CEP128: variants seen among roughly 807,000 people sequenced by gnomAD.
CEP128 encodes the protein centrosomal protein 128kDa.
CEP128 carries 132 observed loss-of-function variants against 156.7 expected under a neutral mutation model. The ratio of observed to expected loss-of-function variants is 0.84; its 90% CI spans 0.73 to 0.97. The LOEUF is 0.97. Among genes scored for constraint, CEP128 ranks in the 50% least tolerant of loss-of-function variants. The probability of loss-of-function intolerance (pLI) is 0.00; values close to 1 mark genes in which losing one functional copy is unlikely to be tolerated. For missense variants in CEP128, 1,252 were observed against 1,281.9 expected (o/e 0.98, Z 0.36); for synonymous variants, 469 against 448.9 (o/e 1.04, Z -0.57).
chr14:80,950,287 C>T (rs1454827135), intron 2 of CEP128, among the ~76,000 whole-genome samples: 1 of 152,202 alleles, frequency 6.6e-6, no homozygotes, highest in African/African-American at 2.4e-5. Context: ...GACTTCTAGC[C>T]TCCAGAACTG....
chr14:80,588,278 A>G (rs996770971), intron 19 of CEP128, among the ~76,000 whole-genome samples: 13 of 152,142 alleles, frequency 8.5e-5, no homozygotes, highest in African/African-American at 3.1e-4. Flanking sequence ...GTACAGCTCA[A>G]TGTCAAACAC....
At chr14:80,908,657 T>C (rs1884028702) in intron 4 of CEP128, among the ~76,000 whole-genome samples, 1 of 152,252 alleles carries the variant, frequency 6.6e-6, no homozygotes, top group African/African-American at 2.4e-5. Context: ...TTCCCTTGGT[T>C]TTCAGACACC....
At chr14:80,754,235 T>A (rs545679892) in intron 18 of CEP128, among the ~76,000 whole-genome samples, 1 of 152,308 alleles carries the variant, frequency 6.6e-6, no homozygotes, top group Admixed American at 6.5e-5. Flanking sequence ...CTAAATCATT[T>A]GAGTGTTCTT....
At position 80,792,027 on chromosome 14, in the gene CEP128, G is replaced by A. The variant is rs921844263; in HGVS notation, c.1560+733C>T. Among the ~76,000 whole-genome samples the A allele has an allele frequency of 8.5e-5, 13 of 152,198 alleles. No individual in the cohort carries two copies. In the South Asian group the frequency reaches 1.5e-3, roughly 17 times the overall value. On this transcript the variant is annotated intron_variant, in intron 14 of 24. Transcript: ENST00000555265. ...AAACATGGATAAAAAAATCAATCAC[G>A]ACTTTCCTGCTTATTATCTTATAAA... is the stretch of plus-strand genomic sequence containing the variant.
At chr14:80,667,471 T>C (rs920548662) in intron 19 of CEP128, among the ~76,000 whole-genome samples, 1 of 152,008 alleles carries the variant, frequency 6.6e-6, no homozygotes, top group African/African-American at 2.4e-5. Flanking sequence ...CCAATAGCAA[T>C]AACTAAACAA....
chr14:80,738,069 A>T (rs1447112547), intron 19 of CEP128, among the ~76,000 whole-genome samples: 2 of 152,226 alleles, frequency 1.3e-5, no homozygotes, highest in Non-Finnish European at 2.9e-5. Context: ...CACTTCTATG[A>T]ATATCATGAT....
At chr14:80,872,477 T>C (rs1340183358) in intron 8 of CEP128, among the ~76,000 whole-genome samples, 2 of 152,196 alleles carry the variant, frequency 1.3e-5, no homozygotes, top group Non-Finnish European at 2.9e-5. Context: ...TTTCAAGATA[T>C]ATTTTAGTCA....
chr14:80,602,544 G>A (rs1892621875), intron 19 of CEP128, among the ~76,000 whole-genome samples: 1 of 152,164 alleles, frequency 6.6e-6, no homozygotes, highest in Non-Finnish European at 1.5e-5. Context: ...GGCCAAGGTA[G>A]GTGGATCACA....
chr14:80,778,169 T>C (rs1417070404), intron 15 of CEP128, 123 bp from the exon 16 acceptor site: 3 of 738,426 alleles, frequency 4.1e-6, no homozygotes, highest in African/African-American at 3.6e-5. Context: ...AGCATTCATA[T>C]ATAAATATTA....
chr14:80,619,068 C>T (rs1893352140), intron 19 of CEP128, among the ~76,000 whole-genome samples: 1 of 152,146 alleles, frequency 6.6e-6, no homozygotes, highest in Non-Finnish European at 1.5e-5. Flanking sequence ...ACACTGCCCG[C>T]ATAGCATATG....
intron 21 of CEP128, among the ~76,000 whole-genome samples, chr14:80,556,912 T>A (rs1223155279): frequency 6.6e-6 from 1 of 152,188 alleles, no homozygotes; most frequent in Non-Finnish European, 1.5e-5. Context: ...GTCTACCAAG[T>A]TCATTAAAAT....
downstream of CEP128, among the ~76,000 whole-genome samples, chr14:80,493,725 A>C (rs987160981): frequency 1.2e-4 from 18 of 152,264 alleles, no homozygotes; most frequent in Admixed American, 2.6e-4. Context: ...CACTTACTAG[A>C]CTTCAGCGGT....
At position 80,776,697 on chromosome 14, in the gene CEP128, T is replaced by C. The variant is rs1444948112; in HGVS notation, c.2376+1185A>G. On this transcript the variant is annotated intron_variant, in intron 16 of 24. Transcript: ENST00000555265. ...TAATTCCTTTCATCATAGATTTAAG[T>C]AACCCTGATTGAGCACATACGTGCA... Among the ~76,000 whole-genome samples, 7 of 152,020 alleles carry C rather than the reference T, an allele frequency of 4.6e-5. No homozygotes were observed. In the East Asian group the frequency reaches 1.4e-3, roughly 29 times the overall value.
chr14:80,567,840 G>A (rs1455186146), intron 20 of CEP128, among the ~76,000 whole-genome samples: 1 of 152,072 alleles, frequency 6.6e-6, no homozygotes, highest in Non-Finnish European at 1.5e-5. Flanking sequence ...AATTTCAGAT[G>A]CTGACTGTCC....
chr14:80,502,833 G>C (rs1887800031), intron 24 of CEP128, among the ~76,000 whole-genome samples: 1 of 151,962 alleles, frequency 6.6e-6, no homozygotes, highest in Non-Finnish European at 1.5e-5. Context: ...AAAAATTACA[G>C]GACAATTTCT....
intron 10 of CEP128, among the ~76,000 whole-genome samples, chr14:80,839,254 T>C (rs1886237179): frequency 6.6e-6 from 1 of 152,256 alleles, no homozygotes; most frequent in Non-Finnish European, 1.5e-5. Flanking sequence ...AACAGTAAGA[T>C]AGTTTTATAA....
intron 13 of CEP128, among the ~76,000 whole-genome samples, chr14:80,810,683 A>G (rs999432540): frequency 6.6e-6 from 1 of 152,154 alleles, no homozygotes; most frequent in Non-Finnish European, 1.5e-5. Context: ...CCACCTCTTC[A>G]GTTTTTAAAA....
At chr14:80,639,996 T>C (rs893293474) in intron 19 of CEP128, among the ~76,000 whole-genome samples, 2 of 152,206 alleles carry the variant, frequency 1.3e-5, no homozygotes, top group African/African-American at 4.8e-5. Context: ...GAATGAAATT[T>C]ATAGTAACCA....
At chr14:80,596,788 C>T (rs1482660682) in intron 19 of CEP128, among the ~76,000 whole-genome samples, 3 of 106,628 alleles carry the variant, frequency 2.8e-5, no homozygotes, top group Admixed American at 1.5e-4. Flanking sequence ...GGCCATTGCA[C>T]TCTAGTCTGA....
Sources: allele counts gnomAD v4.1 joint callset (sites outside exome capture counted in the v4.1 genomes callset), GRCh38; gene constraint gnomAD v4.1.1; transcripts MANE v1.5; gene names NCBI Gene and HGNC (gene_info 2026-07-23, HGNC 2026-07-21).